Variants in PPM1E observed in about 807,000 individuals in gnomAD.
The protein encoded by PPM1E is protein phosphatase 1E.
Under a neutral mutation model 65.9 loss-of-function variants are expected in PPM1E, and 20 were observed. That is an observed-to-expected ratio of 0.30 (90% CI 0.21 to 0.44). The LOEUF is 0.44. Among genes scored for constraint, PPM1E ranks in the 20% least tolerant of loss-of-function variants. The pLI is 1.00. For synonymous variants in PPM1E, 352 were observed against 374.9 expected (o/e 0.94, Z 0.70); for missense variants, 713 against 953.1 (o/e 0.75, Z 3.32).
intron 1 of PPM1E, among the ~76,000 whole-genome samples, chr17:58,909,924 C>CTTTTTTTTTT (rs35833275): frequency 1.8e-4 from 16 of 90,030 alleles, no homozygotes; most frequent in East Asian, 3.4e-4. Flanking sequence ...TTTTCTTTTT[C>CTTTTTTTTTT]TTTTTTTTTT....
intron 1 of PPM1E, among the ~76,000 whole-genome samples, chr17:58,844,702 G>A (rs531604452): frequency 3.5e-4 from 53 of 152,154 alleles, no homozygotes; most frequent in Non-Finnish European, 6.5e-4. Flanking sequence ...CTTCTACTTA[G>A]AGTCTTTTAT....
chr17:58,821,568 C>A (rs2050480281), intron 1 of PPM1E, among the ~76,000 whole-genome samples: 1 of 152,140 alleles, frequency 6.6e-6, no homozygotes, highest in African/African-American at 2.4e-5. Context: ...GGTATAGATA[C>A]ACACACTCTG....
intron 1 of PPM1E, among the ~76,000 whole-genome samples, chr17:58,837,019 C>CAAA (rs761954197): frequency 5.1e-5 from 2 of 39,072 alleles, no homozygotes; most frequent in African/African-American, 1.0e-4. Flanking sequence ...AACTCCGTCT[C>CAAA]AAAAAAAAAA....
intron 1 of PPM1E, among the ~76,000 whole-genome samples, chr17:58,804,556 C>A (rs2050287606): frequency 2.0e-5 from 3 of 152,036 alleles, no homozygotes; most frequent in Admixed American, 2.0e-4. Context: ...ATAGTTTTTA[C>A]TTTACATGTT....
Position 58,980,438 on chromosome 17 carries a change from T to C in PPM1E, c.1675T>C (p.Ser559Pro). Residue 559 changes from serine (S) to proline (P), a missense_variant, in exon 7 of 7, where the codon TCC becomes CCC. Ser to Pro is a moderately conservative substitution (Grantham distance 74, BLOSUM62 -1). Coordinates refer to ENST00000308249, the MANE Select transcript of PPM1E (RefSeq NM_014906.5). This position sits in a 1 kb window ranked among gnomAD's most constrained non-coding sequence, Gnocchi z 4.7. ...TGATAGAACTAGCCTGAGCCCAGGG[T>C]CCCAAATCAACGTGCTGGAAGACCC... ...FTDRTSLSPG[S>P]QINVLEDPGY... 6.2e-7 allele frequency: 1 copy of C among 1,613,976 alleles called. No individual in the cohort carries two copies. The highest frequency in any genetic ancestry group is 8.5e-7 in the Non-Finnish European group (1 of 1,179,978).
At chr17:58,814,447 A>G (rs1044333530) in intron 1 of PPM1E, among the ~76,000 whole-genome samples, 1 of 152,180 alleles carries the variant, frequency 6.6e-6, no homozygotes, top group African/African-American at 2.4e-5. Flanking sequence ...CAATATATAC[A>G]TGGTCCTGTG....
chr17:58,898,276 A>G (rs1391354221), intron 1 of PPM1E, among the ~76,000 whole-genome samples: 2 of 151,814 alleles, frequency 1.3e-5, no homozygotes, highest in Non-Finnish European at 2.9e-5. Context: ...AAAACTATCT[A>G]CAAAGAATCT....
At chr17:58,937,541 C>T (rs1446513257) in intron 1 of PPM1E, among the ~76,000 whole-genome samples, 3 of 146,286 alleles carry the variant, frequency 2.1e-5, no homozygotes, top group Admixed American at 6.8e-5. Context: ...GGATTACAGT[C>T]GTGAGCCACA....
intron 3 of PPM1E, chr17:58,969,330 T>C (rs745312994): frequency 1.5e-6 from 1 of 665,796 alleles, no homozygotes; most frequent in South Asian, 1.6e-5. Flanking sequence ...CATGTTCCAG[T>C]GTTCTGGTGT....
intron 1 of PPM1E, among the ~76,000 whole-genome samples, chr17:58,761,225 A>G (rs779892466): frequency 2.0e-5 from 3 of 152,178 alleles, no homozygotes; most frequent in Non-Finnish European, 4.4e-5. Flanking sequence ...TCCCCTCTCC[A>G]GAGGTTAGGC....
chr17:58,836,757 C>T (rs941929872), intron 1 of PPM1E, among the ~76,000 whole-genome samples: 3 of 146,942 alleles, frequency 2.0e-5, no homozygotes, highest in Non-Finnish European at 4.5e-5. Flanking sequence ...CGCGGTGGCT[C>T]ACGCCTGTAA....
chr17:58,980,607 C>A lies in PPM1E; in HGVS notation c.1844C>A (p.Ser615Ter). 6.2e-7 allele frequency: 1 copy of A among 1,614,200 alleles called. No individual in the cohort carries two copies. Among genetic ancestry groups the A allele is most frequent in the Non-Finnish European group, 8.5e-7 (1 of 1,180,032 alleles). The part of the protein sequence containing the change: ...ELMMEKKSVQ[S>*]SLPEWSGAGE... ...ATGATGGAGAAAAAATCAGTTCAGT[C>A]ATCATTGCCTGAATGGAGTGGTGCT... is the stretch of plus-strand genomic sequence containing the variant. The change falls in exon 7 of 7, where the codon TCA (serine) becomes TAA (stop). Residue 615 changes from serine (S) to a stop codon, truncating the protein, a stop_gained. Transcript: ENST00000308249. LOFTEE classifies it high-confidence loss of function. The surrounding 1 kb of genome is among the most constrained non-coding windows in gnomAD (Gnocchi z 4.7).
chr17:58,977,816 C>T (rs916213043), intron 6 of PPM1E, among the ~76,000 whole-genome samples: 11 of 152,190 alleles, frequency 7.2e-5, no homozygotes, highest in Admixed American at 3.9e-4. Flanking sequence ...AATCTGGGCT[C>T]ACTGCAACCT....
chr17:58,791,179 A>C (rs2050154270), intron 1 of PPM1E, among the ~76,000 whole-genome samples: 1 of 152,168 alleles, frequency 6.6e-6, no homozygotes, highest in Admixed American at 6.6e-5. Context: ...GGTGTGAGCC[A>C]CCGTGCCTGG....
intron 1 of PPM1E, among the ~76,000 whole-genome samples, chr17:58,828,704 T>G (rs2143167788): frequency 6.6e-6 from 1 of 152,304 alleles, no homozygotes; most frequent in Admixed American, 6.5e-5. Flanking sequence ...CCTCTGGTGA[T>G]CCTCCTGTCT....
At chr17:58,788,045 T>C (rs959626528) in intron 1 of PPM1E, among the ~76,000 whole-genome samples, 9 of 152,150 alleles carry the variant, frequency 5.9e-5, no homozygotes, top group Non-Finnish European at 1.0e-4. Context: ...CATCAAACTG[T>C]ATAAACTTTT....
intron 1 of PPM1E, among the ~76,000 whole-genome samples, chr17:58,788,883 G>C (rs890516820): frequency 2.0e-5 from 3 of 152,298 alleles, no homozygotes; most frequent in Admixed American, 6.5e-5. Flanking sequence ...AGTGAATTCA[G>C]TGACTTGACC....
chr17:58,834,980 T>C (rs562578172), intron 1 of PPM1E, among the ~76,000 whole-genome samples: 2 of 152,316 alleles, frequency 1.3e-5, no homozygotes, highest in African/African-American at 4.8e-5. Context: ...AGAGAATTGA[T>C]GTCTTTACTC....
intron 1 of PPM1E, among the ~76,000 whole-genome samples, chr17:58,804,931 G>A (rs1463975116): frequency 6.6e-6 from 1 of 151,690 alleles, no homozygotes. Flanking sequence ...ATAATACATT[G>A]TTGCTAACTA....
Sources: allele counts gnomAD v4.1 joint callset (sites outside exome capture counted in the v4.1 genomes callset), GRCh38; gene constraint gnomAD v4.1.1; non-coding constraint Gnocchi (gnomAD v3.1); transcripts MANE v1.5; gene names NCBI Gene and HGNC (gene_info 2026-07-23, HGNC 2026-07-21).